The following MATN2 variants were observed in gnomAD, a reference collection of about 807,000 sequenced individuals.
MATN2 encodes matrilin-2.
MATN2 carries 69 observed loss-of-function variants against 103.2 expected under a neutral mutation model. That is an observed-to-expected ratio of 0.67 (90% CI 0.55 to 0.82). MATN2 has a LOEUF of 0.82. Among genes scored for constraint, MATN2 ranks in the 40% least tolerant of loss-of-function variants. The pLI is 0.00. For missense variants in MATN2, 1,023 were observed against 1,211.5 expected (o/e 0.84, Z 2.31); for synonymous variants, 429 against 450.2 (o/e 0.95, Z 0.60).
chr8:97,880,178 C>T (rs750513912), intron 1 of MATN2, among the ~76,000 whole-genome samples: 10 of 151,040 alleles, frequency 6.6e-5, no homozygotes, highest in Non-Finnish European at 1.3e-4. Flanking sequence ...CTGCCTCTCG[C>T]GTTCAAATGA....
At chr8:97,928,166 G>T (rs1191048620) in intron 2 of MATN2, among the ~76,000 whole-genome samples, 1 of 150,820 alleles carries the variant, frequency 6.6e-6, no homozygotes, top group Non-Finnish European at 1.5e-5. Context: ...CCAACCCAGG[G>T]CTATATGCTA....
At chr8:97,973,050 CATT>C (rs906508955) in intron 5 of MATN2, among the ~76,000 whole-genome samples, 1 of 152,218 alleles carries the variant, frequency 6.6e-6, no homozygotes, top group Non-Finnish European at 1.5e-5. Flanking sequence ...TGGCAAATAA[CATT>C]AGAGCTGAAT....
Position 98,030,514 on chromosome 8 carries a change from A to G in MATN2, c.2409A>G (p.Gln803=). The G allele has an allele frequency of 6.2e-7, 1 of 1,613,982 alleles. No individual in the cohort carries two copies. The highest frequency in any genetic ancestry group is 8.5e-7 in the Non-Finnish European group (1 of 1,179,876). Residue 803 remains glutamine, a synonymous_variant, in exon 15 of 19, where the codon CAA becomes CAG. Transcript: ENST00000254898. ...GVGKAIEEEL[Q]EIASEPTNKH... The stretch of plus-strand genomic sequence containing the variant: ...GAAAAGCCATTGAGGAGGAACTACA[A>G]GAGATTGCCTCTGAGCCCACAAACA...
intron 7 of MATN2, among the ~76,000 whole-genome samples, chr8:98,001,663 A>C (rs894481279): frequency 6.6e-6 from 1 of 151,888 alleles, no homozygotes; most frequent in African/African-American, 2.4e-5. Context: ...TTTTTAGTAG[A>C]GGTGGGGTTT....
intron 6 of MATN2, among the ~76,000 whole-genome samples, chr8:97,989,486 G>T (rs1412973227): frequency 6.8e-6 from 1 of 147,320 alleles, no homozygotes; most frequent in Non-Finnish European, 1.5e-5. Context: ...AAAAAAAACG[G>T]AATGAAGGTA....
chr8:97,869,702 A>T (rs1586358991), intron 1 of MATN2, among the ~76,000 whole-genome samples: 1 of 152,274 alleles, frequency 6.6e-6, no homozygotes, highest in Admixed American at 6.5e-5. Context: ...CCCTCTTCGG[A>T]ACCTGGTATT....
At chr8:98,034,150 T>G (rs1352333079) in intron 18 of MATN2, 3 of 453,628 alleles carry the variant, frequency 6.6e-6, no homozygotes, top group African/African-American at 6.0e-5. Context: ...CAGGAGTGGT[T>G]TTTTCTTTTT....
chr8:97,986,658 G>A (rs906235987), intron 6 of MATN2, among the ~76,000 whole-genome samples: 3 of 152,156 alleles, frequency 2.0e-5, no homozygotes, highest in African/African-American at 7.2e-5. Flanking sequence ...TATAGACACT[G>A]TATTTTCTTT....
chr8:97,966,775 A>G (rs1811495208), intron 5 of MATN2, among the ~76,000 whole-genome samples: 1 of 152,174 alleles, frequency 6.6e-6, no homozygotes, highest in Non-Finnish European at 1.5e-5. Flanking sequence ...TTTATGTGTC[A>G]GTTGGTTTGT....
chr8:97,931,532 G>A lies in MATN2; in HGVS notation c.712+10G>A, dbSNP rs533017744. On this transcript the variant is annotated intron_variant, in intron 3 of 18. Coordinates refer to ENST00000254898, the MANE Select transcript of MATN2 (RefSeq NM_002380.5). The surrounding 1 kb of genome is among the most constrained non-coding windows in gnomAD (Gnocchi z 4.1). ...CAGAAGAAGTTGTGCAGTAAGTCCT[G>A]CTCCTTTGTCACTCTTCTAGAGGAA... 2 of 1,587,462 alleles carry A rather than the reference G, an allele frequency of 1.3e-6. No individual in the cohort carries two copies. Among genetic ancestry groups the A allele is most frequent in the East Asian group, 2.2e-5 (1 of 44,698 alleles).
rs115490245 is a variant in MATN2, at chr8:98,004,767, G to T, written c.1327+984G>T. On this transcript the variant is annotated intron_variant, in intron 8 of 18. Transcript: ENST00000254898. Reference sequence around the variant, plus strand: ...AACATGGGATTTTCTGAGAAGGCTTGTCTTAATTTTCTTGTGTCAGAGCCA... The same window carrying T: ...AACATGGGATTTTCTGAGAAGGCTTTTCTTAATTTTCTTGTGTCAGAGCCA... Among the ~76,000 whole-genome samples the T allele has an allele frequency of 4.2e-3, 645 of 152,346 alleles. 5 individuals are homozygous for T. The highest frequency in any genetic ancestry group is 0.015 in the African/African-American group (615 of 41,586).
chr8:97,972,352 AAAAG>A (rs1349240887), intron 5 of MATN2, among the ~76,000 whole-genome samples: 6 of 150,150 alleles, frequency 4.0e-5, no homozygotes, highest in African/African-American at 1.5e-4. Flanking sequence ...AAAAAAAAAA[AAAAG>A]AAAAGAAAAG....
At chr8:98,020,951 T>A (rs1034735352) in intron 12 of MATN2, 9 of 322,686 alleles carry the variant, frequency 2.8e-5, no homozygotes, top group Non-Finnish European at 3.5e-5. Flanking sequence ...CTAAAGCACA[T>A]CTAATAATAG....
chr8:97,924,544 G>A (rs186789969), intron 2 of MATN2, among the ~76,000 whole-genome samples: 134 of 152,032 alleles, frequency 8.8e-4, no homozygotes, highest in African/African-American at 3.0e-3. Flanking sequence ...CTCAAAGATC[G>A]GTGACCTCTC....
chr8:98,032,838 G>T (rs1277067013), intron 16 of MATN2, among the ~76,000 whole-genome samples: 32 of 151,008 alleles, frequency 2.1e-4, no homozygotes, highest in African/African-American at 7.1e-4. Flanking sequence ...GGCTGTTTTT[G>T]TTTTGTTTTT....
intron 4 of MATN2, among the ~76,000 whole-genome samples, chr8:97,948,238 T>C (rs779600413): frequency 2.9e-4 from 44 of 152,330 alleles, no homozygotes; most frequent in Middle Eastern, 3.4e-3. Context: ...TGGGAATATG[T>C]GTCCTGGGTG....
chr8:98,003,837 G>C (rs2130380311), intron 8 of MATN2, 54 bp downstream of exon 8: 1 of 1,607,944 alleles, frequency 6.2e-7, no homozygotes, highest in Non-Finnish European at 8.5e-7. Context: ...CACTCATGGG[G>C]GCGGGCGGGT....
chr8:98,016,310 C>G (rs983262), intron 10 of MATN2, among the ~76,000 whole-genome samples: 5,365 of 152,190 alleles, frequency 0.035, 285 homozygotes, highest in African/African-American at 0.12. Context: ...GAGGCAGAGG[C>G]TGCAGTGAGT....
chr8:97,884,965 G>A (rs1818377032), intron 1 of MATN2, among the ~76,000 whole-genome samples: 1 of 152,218 alleles, frequency 6.6e-6, no homozygotes, highest in South Asian at 2.1e-4. Flanking sequence ...TAAGTAACCT[G>A]CTCAGGGTTG....
Sources: gnomAD v4.1 joint callset for allele counts (sites outside exome capture counted in the v4.1 genomes callset) on GRCh38, gnomAD v4.1.1 for gene constraint, Gnocchi (gnomAD v3.1) non-coding constraint, MANE v1.5 for transcripts, NCBI Gene and HGNC (gene_info 2026-07-23, HGNC 2026-07-21) for gene names.